Variants in PRKN observed in about 807,000 individuals in gnomAD.
The protein encoded by PRKN is E3 ubiquitin-protein ligase parkin.
PRKN carries 56 observed loss-of-function variants against 59.5 expected under a neutral mutation model. The ratio of observed to expected loss-of-function variants is 0.94; its 90% CI spans 0.76 to 1.18. The LOEUF is 1.18. Among genes scored for constraint, PRKN ranks in the 50% most tolerant of loss-of-function variants. The probability of loss-of-function intolerance (pLI) is 0.00; values close to 1 mark genes in which losing one functional copy is unlikely to be tolerated. For missense variants in PRKN, 657 were observed against 596.4 expected (o/e 1.10, Z -1.06); for synonymous variants, 250 against 222.1 (o/e 1.13, Z -1.12).
rs549824809 is a variant in PRKN at position 161,484,417 on chromosome 6, T to G, written c.1083+64437A>C. ...TTTCCTTTACTAACAATAACTAAGA[T>G]GCACTGGGTACGTTACGTGTTAGGG... On this transcript the variant is annotated intron_variant, in intron 9 of 11. Transcript: ENST00000366898. The surrounding 1 kb of genome is among the most constrained non-coding windows in gnomAD (Gnocchi z 4.9). Among the ~76,000 whole-genome samples, 29 of 152,294 alleles carry G rather than the reference T, an allele frequency of 1.9e-4. No homozygotes were observed. In the South Asian group the frequency reaches 4.4e-3, roughly 23 times the overall value.
intron 6 of PRKN, among the ~76,000 whole-genome samples, chr6:161,908,588 A>G (rs1468730062): frequency 8.0e-6 from 1 of 125,742 alleles, no homozygotes. Flanking sequence ...AGTGATTACA[A>G]GAAAAAAAAA....
Position 161,567,563 on chromosome 6 carries a change from A to ATG in PRKN, c.933+1790_933+1791dup, listed in dbSNP as rs534218059. Among the ~76,000 whole-genome samples, 1,231 of 151,128 alleles carry ATG rather than the reference A, an allele frequency of 8.1e-3. 7 individuals are homozygous for ATG. Among genetic ancestry groups the ATG allele is most frequent in the South Asian group, 0.02 (96 of 4,752 alleles). On this transcript the variant is annotated intron_variant, in intron 8 of 11. Coordinates refer to ENST00000366898, the MANE Select transcript of PRKN (RefSeq NM_004562.3). ...AAGAAGGAAGTGTGTGTATGTCTGC[A>ATG]TGTGTGTGTGTGTGTTTGCGCGTGT...
chr6:161,509,677 C>G (rs1158220990), intron 9 of PRKN, among the ~76,000 whole-genome samples: 1 of 151,890 alleles, frequency 6.6e-6, no homozygotes, highest in African/African-American at 2.4e-5. Flanking sequence ...TTTAGGAGTT[C>G]GAGACCAGCC....
chr6:161,392,548 T>C (rs1330036562), intron 9 of PRKN, among the ~76,000 whole-genome samples: 3 of 151,710 alleles, frequency 2.0e-5, no homozygotes, highest in Admixed American at 6.6e-5. Flanking sequence ...TATATATACA[T>C]ATATAAATTC....
At chr6:161,713,331 G>C (rs1159076750) in intron 7 of PRKN, among the ~76,000 whole-genome samples, 1 of 152,076 alleles carries the variant, frequency 6.6e-6, no homozygotes, top group Non-Finnish European at 1.5e-5. Flanking sequence ...AGTTTATAGG[G>C]AGCTTGGTCT....
At position 162,105,547 on chromosome 6, in the gene PRKN, G is replaced by A. The variant is rs562222741; in HGVS notation, c.535-51373C>T. Among the ~76,000 whole-genome samples the A allele has an allele frequency of 1.7e-3, 254 of 152,162 alleles. No individual in the cohort carries two copies. In the South Asian group the frequency reaches 0.023, roughly 14 times the overall value. ...CTCCGAAGTAGCTGGGACTACAGGC[G>A]TGTGCCACCACCTGGCTAATTTTTG... On this transcript the variant is annotated intron_variant, in intron 4 of 11. Coordinates refer to ENST00000366898, the MANE Select transcript of PRKN (RefSeq NM_004562.3).
Position 161,964,878 on chromosome 6 carries a change from G to A in PRKN, c.734+8424C>T, listed in dbSNP as rs117327804. The stretch of plus-strand genomic sequence containing the variant: ...CTTAAGTTGATGGAAAGTAGCTATT[G>A]GTAATGTCAAAAATCAGACTGACAA... On this transcript the variant is annotated intron_variant, in intron 6 of 11. Coordinates refer to ENST00000366898, the MANE Select transcript of PRKN (RefSeq NM_004562.3). Among the ~76,000 whole-genome samples the A allele has an allele frequency of 3.0e-3, 458 of 152,022 alleles. 5 individuals are homozygous for A. Among genetic ancestry groups the A allele is most frequent in the Non-Finnish European group, 4.5e-3 (309 of 68,010 alleles).
rs981379326 is a variant in PRKN, at chr6:161,971,040, C to T, written c.734+2262G>A. Among the ~76,000 whole-genome samples the T allele has an allele frequency of 2.0e-5, 3 of 152,196 alleles. No individual in the cohort carries two copies. The South Asian group carries it at 6.2e-4, about 32-fold the overall frequency. The stretch of plus-strand genomic sequence containing the variant: ...ATATGGGGCACTTGGCTGCCTTACA[C>T]GAGAAGGGACCTTATTCAATCAAGT... On this transcript the variant is annotated intron_variant, in intron 6 of 11. Transcript: ENST00000366898.
At position 161,771,152 on chromosome 6, in the gene PRKN, C is replaced by T. The variant is rs373207814; in HGVS notation, c.871+14620G>A. 2.5e-4 allele frequency among the ~76,000 whole-genome samples: 38 copies of T among 151,842 alleles called. No homozygotes were observed. In the East Asian group the frequency reaches 7.2e-3, roughly 29 times the overall value. Reference sequence around the variant, plus strand: ...TGGGCGGATTACGAGGTCAGGAGATCGAGACCATCCTGGCTAACACGGTGA... The same window carrying T: ...TGGGCGGATTACGAGGTCAGGAGATTGAGACCATCCTGGCTAACACGGTGA... On this transcript the variant is annotated intron_variant, in intron 7 of 11. Transcript: ENST00000366898.
At chr6:161,915,001 T>C (rs1355936876) in intron 6 of PRKN, among the ~76,000 whole-genome samples, 1 of 152,148 alleles carries the variant, frequency 6.6e-6, no homozygotes, top group Admixed American at 6.5e-5. Flanking sequence ...TGTTCTTTTT[T>C]GCGTTGGGTG....
At chr6:162,295,208 T>C (rs908545851) in intron 2 of PRKN, among the ~76,000 whole-genome samples, 4 of 152,190 alleles carry the variant, frequency 2.6e-5, no homozygotes, top group African/African-American at 9.6e-5. Context: ...GGTACCCATA[T>C]GGAGGCTTTC....
intron 5 of PRKN, among the ~76,000 whole-genome samples, chr6:162,006,449 G>C (rs1039129764): frequency 6.6e-6 from 1 of 152,096 alleles, no homozygotes; most frequent in East Asian, 1.9e-4. Flanking sequence ...CTGTAAACCA[G>C]ATCATATTCT....
chr6:162,574,016 G>A (rs2128209491), intron 1 of PRKN, among the ~76,000 whole-genome samples: 1 of 152,318 alleles, frequency 6.6e-6, no homozygotes, highest in African/African-American at 2.4e-5. Flanking sequence ...CGAAAGGCAT[G>A]CCAGAACTGT....
intron 6 of PRKN, among the ~76,000 whole-genome samples, chr6:161,927,011 A>C (rs1778993096): frequency 6.6e-6 from 1 of 152,202 alleles, no homozygotes; most frequent in Admixed American, 6.5e-5. Context: ...TTAATTCTAA[A>C]GGATACCTGT....
At chr6:162,663,201 GGATTA>G (rs1267838104) in intron 1 of PRKN, among the ~76,000 whole-genome samples, 1 of 152,138 alleles carries the variant, frequency 6.6e-6, no homozygotes, top group South Asian at 2.1e-4. Context: ...TAGTTCACAT[GGATTA>G]ATTCTTCCAA....
Position 162,651,114 on chromosome 6 carries a change from T to C in PRKN, c.7+76548A>G, listed in dbSNP as rs190231279. Among the ~76,000 whole-genome samples, 43 of 152,160 alleles carry C rather than the reference T, an allele frequency of 2.8e-4. No individual in the cohort carries two copies. In the East Asian group the frequency reaches 8.2e-3, roughly 29 times the overall value. On this transcript the variant is annotated intron_variant, in intron 1 of 11. Transcript: ENST00000366898. ...GTTAGTCAACTGAGAGCAACCACAA[T>C]ATGGCTTTGTTTGTTTGTTTGTTTG... is the stretch of plus-strand genomic sequence containing the variant.
At chr6:162,242,769 C>T (rs193245118) in intron 3 of PRKN, among the ~76,000 whole-genome samples, 63 of 152,206 alleles carry the variant, frequency 4.1e-4, no homozygotes, top group African/African-American at 1.3e-3. Context: ...CTCCTCTTTG[C>T]CCCAACATAT....
intron 1 of PRKN, among the ~76,000 whole-genome samples, chr6:162,659,430 T>A (rs1337846136): frequency 6.6e-6 from 1 of 152,174 alleles, no homozygotes; most frequent in Non-Finnish European, 1.5e-5. Flanking sequence ...TGTACCACTA[T>A]AATTTGAAAA....
intron 7 of PRKN, among the ~76,000 whole-genome samples, chr6:161,744,104 T>C (rs540662321): frequency 2.0e-5 from 3 of 152,302 alleles, no homozygotes; most frequent in African/African-American, 7.2e-5. Flanking sequence ...TGTATGAATA[T>C]GTTTTTTAAA....
Sources: gnomAD v4.1 joint callset for allele counts (sites outside exome capture counted in the v4.1 genomes callset) on GRCh38, gnomAD v4.1.1 for gene constraint, Gnocchi (gnomAD v3.1) non-coding constraint, MANE v1.5 for transcripts, NCBI Gene and HGNC (gene_info 2026-07-23, HGNC 2026-07-21) for gene names.